The following STXBP5 variants were observed in gnomAD, a reference collection of about 807,000 sequenced individuals.
STXBP5 encodes the protein syntaxin-binding protein 5.
STXBP5 carries 50 observed loss-of-function variants against 152.4 expected under a neutral mutation model. That is an observed-to-expected ratio of 0.33 (90% CI 0.26 to 0.42). STXBP5 has a LOEUF of 0.42. STXBP5 is among the 10% of genes least tolerant of loss of function. STXBP5 has a pLI of 1.00. For missense variants in STXBP5, 1,167 were observed against 1,388.6 expected (o/e 0.84, Z 2.54); for synonymous variants, 492 against 494.7 (o/e 0.99, Z 0.07).
At chr6:147,352,661 A>C (rs1784642038) in intron 21 of STXBP5, among the ~76,000 whole-genome samples, 1 of 152,166 alleles carries the variant, frequency 6.6e-6, no homozygotes, top group Non-Finnish European at 1.5e-5. Flanking sequence ...GATGAGCTGG[A>C]AAGATTTTAT....
chr6:147,242,825 G>T (rs1335235200), intron 4 of STXBP5, among the ~76,000 whole-genome samples: 1 of 152,138 alleles, frequency 6.6e-6, no homozygotes, highest in Non-Finnish European at 1.5e-5. Context: ...ATAGCCATCT[G>T]TAAGTGACAC....
intron 7 of STXBP5, among the ~76,000 whole-genome samples, chr6:147,275,549 CTTTTTTTTTTT>C (rs71031021): frequency 3.1e-5 from 2 of 64,454 alleles, no homozygotes; most frequent in Non-Finnish European, 5.6e-5. Flanking sequence ...AGTAAATATT[CTTTTTTTTTTT>C]TTTTTTTTTT....
chr6:147,231,150 T>C (rs1777986722), intron 2 of STXBP5, among the ~76,000 whole-genome samples: 1 of 151,912 alleles, frequency 6.6e-6, no homozygotes, highest in African/African-American at 2.4e-5. Flanking sequence ...ATGTGTCCTG[T>C]ATACCTCTTC....
At chr6:147,357,030 G>C (rs570028931) in intron 22 of STXBP5, among the ~76,000 whole-genome samples, 1 of 152,194 alleles carries the variant, frequency 6.6e-6, no homozygotes, top group African/African-American at 2.4e-5. Context: ...GACAGTGTGC[G>C]AAATTCCAAA....
intron 18 of STXBP5, among the ~76,000 whole-genome samples, chr6:147,332,014 A>C (rs1783598830): frequency 6.6e-6 from 1 of 152,206 alleles, no homozygotes; most frequent in South Asian, 2.1e-4. Flanking sequence ...CATATCTGGC[A>C]CATAGTAAGT....
chr6:147,354,775 C>G (rs191053023), intron 22 of STXBP5, among the ~76,000 whole-genome samples: 2 of 152,272 alleles, frequency 1.3e-5, no homozygotes, highest in Admixed American at 1.3e-4. Context: ...AGATTATTCA[C>G]TTCATGGTTT....
intron 22 of STXBP5, among the ~76,000 whole-genome samples, chr6:147,353,883 G>C (rs933145654): frequency 3.9e-5 from 6 of 152,046 alleles, no homozygotes; most frequent in Admixed American, 3.9e-4. Context: ...CATTTATTAT[G>C]AAAGCAGGAT....
intron 16 of STXBP5, among the ~76,000 whole-genome samples, chr6:147,316,706 G>A (rs554094512): frequency 2.6e-5 from 4 of 152,222 alleles, no homozygotes; most frequent in South Asian, 4.1e-4. Context: ...AGTGTTTTTA[G>A]TCTTGATTTA....
chr6:147,234,806 G>A (rs527789534), intron 2 of STXBP5, among the ~76,000 whole-genome samples: 108 of 151,998 alleles, frequency 7.1e-4, no homozygotes, highest in Non-Finnish European at 1.2e-3. Flanking sequence ...AATGAAAAAT[G>A]ACAGTAAAAT....
At chr6:147,355,445 A>C (rs1784773490) in intron 22 of STXBP5, among the ~76,000 whole-genome samples, 2 of 152,168 alleles carry the variant, frequency 1.3e-5, no homozygotes, top group African/African-American at 2.4e-5. Flanking sequence ...CATTAATGAC[A>C]AATTTTGTCT....
rs1451978795 is a variant in STXBP5, at chr6:147,313,976, T to G, written c.1238T>G (p.Ile413Ser). 6.2e-7 allele frequency: 1 copy of G among 1,603,626 alleles called. No homozygotes were observed. The highest frequency in any genetic ancestry group is 2.2e-5 in the East Asian group (1 of 44,742). The change falls in exon 12 of 28, where the codon ATT (isoleucine) becomes AGT (serine). Residue 413 changes from isoleucine to serine, a missense_variant. Physicochemically the swap from Ile to Ser is moderately radical, Grantham distance 142. Coordinates refer to ENST00000321680, the MANE Select transcript of STXBP5 (RefSeq NM_001127715.4). ...TTTGCGGATTGTCCTGTGGACCTTA[T>G]TCCTGCACTTTATTCTGTTGGAGCT... Reference protein sequence around the residue: ...EYFADCPVDLIPALYSVGARQ... With the variant: ...EYFADCPVDLSPALYSVGARQ...
At chr6:147,263,361 T>TA (rs1315008317) in intron 6 of STXBP5, among the ~76,000 whole-genome samples, 1 of 142,950 alleles carries the variant, frequency 7.0e-6, no homozygotes, top group Non-Finnish European at 1.5e-5. Flanking sequence ...TTTTTTTTTT[T>TA]AAATTTTTTA....
intron 2 of STXBP5, among the ~76,000 whole-genome samples, chr6:147,216,274 C>G (rs972752184): frequency 6.6e-6 from 1 of 152,076 alleles, no homozygotes; most frequent in Non-Finnish European, 1.5e-5. Context: ...TGCCTGTAAT[C>G]CCAGCTACTT....
At chr6:147,338,177 G>A (rs1230055050) in intron 19 of STXBP5, among the ~76,000 whole-genome samples, 3 of 152,000 alleles carry the variant, frequency 2.0e-5, no homozygotes, top group South Asian at 2.1e-4. Flanking sequence ...TACATGTAAC[G>A]CACTCCACTA....
chr6:147,319,168 TA>T (rs886476972), intron 16 of STXBP5, among the ~76,000 whole-genome samples: 3 of 151,634 alleles, frequency 2.0e-5, no homozygotes, highest in Non-Finnish European at 2.9e-5. Flanking sequence ...TGACAAGAGC[TA>T]AAAAAAATGG....
chr6:147,355,545 C>T (rs1784778618), intron 22 of STXBP5, among the ~76,000 whole-genome samples: 1 of 152,050 alleles, frequency 6.6e-6, no homozygotes, highest in African/African-American at 2.4e-5. Flanking sequence ...CCATAGCGTT[C>T]CAGCTGTATG....
chr6:147,292,400 T>C, intron 9 of STXBP5: 1 of 310,608 alleles, frequency 3.2e-6, no homozygotes, highest in Non-Finnish European at 6.3e-6. Context: ...TGTGGTTCAT[T>C]TTCCTCACTT....
chr6:147,300,904 A>G (rs1245778534), intron 9 of STXBP5, among the ~76,000 whole-genome samples: 2 of 152,098 alleles, frequency 1.3e-5, no homozygotes, highest in Non-Finnish European at 2.9e-5. Context: ...TAAACTATAC[A>G]TCTAACTAAA....
intron 7 of STXBP5, among the ~76,000 whole-genome samples, chr6:147,273,678 G>T (rs976508836): frequency 1.3e-5 from 2 of 152,072 alleles, no homozygotes; most frequent in Non-Finnish European, 2.9e-5. Flanking sequence ...GATGCCGGGC[G>T]TGGTGGCTCA....
Sources: gnomAD v4.1 joint callset for allele counts (sites outside exome capture counted in the v4.1 genomes callset) on GRCh38, gnomAD v4.1.1 for gene constraint, MANE v1.5 for transcripts, NCBI Gene and HGNC (gene_info 2026-07-23, HGNC 2026-07-21) for gene names.